The following BCAS3 variants were observed in gnomAD, a reference collection of about 807,000 sequenced individuals.
BCAS3 encodes BCAS4/BCAS3 fusion.
In BCAS3, 53 loss-of-function variants were observed where a neutral mutation model predicts 116.1. The observed-to-expected ratio is 0.46, with a 90% CI of 0.37 to 0.57. The LOEUF (loss-of-function observed/expected upper bound fraction) is 0.57. Ranked by LOEUF, BCAS3 falls within the 20% of genes least tolerant of loss-of-function variation. The pLI is 0.00. For missense variants in BCAS3, 917 were observed against 1,165.4 expected, an observed-to-expected ratio of 0.79 and a Z score of 3.10; for synonymous variants, 391 against 408.2, an observed-to-expected ratio of 0.96 and a Z score of 0.51.
chr17:60,778,494 A>G (rs1233785406), intron 6 of BCAS3, among the ~76,000 whole-genome samples: 2 of 152,244 alleles, frequency 1.3e-5, no homozygotes, highest in Non-Finnish European at 2.9e-5. Flanking sequence ...TAGAGATAAG[A>G]CTATTCCCTC....
At chr17:60,701,817 A>AAAAAGAAAAAAAAG (rs1555668133) in intron 4 of BCAS3, among the ~76,000 whole-genome samples, 1,493 of 149,194 alleles carry the variant, frequency 0.01, 21 homozygotes, top group African/African-American at 0.033. Context: ...AAAAAAAAAA[A>AAAAAGAAAAAAAAG]AAAAGAAAAA....
At chr17:60,686,952 AATG>A (rs1180181056) in intron 3 of BCAS3, among the ~76,000 whole-genome samples, 6 of 152,238 alleles carry the variant, frequency 3.9e-5, no homozygotes, top group African/African-American at 7.2e-5. Flanking sequence ...TTAATAAGCA[AATG>A]ATGATATATC....
At chr17:60,949,665 C>T (rs1054402885) in intron 14 of BCAS3, among the ~76,000 whole-genome samples, 5 of 152,248 alleles carry the variant, frequency 3.3e-5, no homozygotes, top group East Asian at 3.9e-4. Flanking sequence ...GTAATGATCT[C>T]GTCAGACTAA....
intron 22 of BCAS3, among the ~76,000 whole-genome samples, chr17:61,253,911 C>T (rs1168640613): frequency 6.6e-6 from 1 of 151,926 alleles, no homozygotes; most frequent in Non-Finnish European, 1.5e-5. Context: ...GTCTTGCTAG[C>T]CTTACTTGGT....
chr17:60,770,354 C>A (rs1434120498), intron 6 of BCAS3, among the ~76,000 whole-genome samples: 1 of 141,908 alleles, frequency 7.0e-6, no homozygotes, highest in Non-Finnish European at 1.5e-5. Flanking sequence ...TTACTTGTTA[C>A]TTGCTTTTAG....
rs552988841 is a variant in BCAS3 at position 60,891,452 on chromosome 17, G to A, written c.738+1681G>A. Among the ~76,000 whole-genome samples the A allele has an allele frequency of 6.6e-5, 10 of 152,332 alleles. No homozygotes were observed. In the East Asian group the frequency reaches 1.9e-3, roughly 29 times the overall value. On this transcript the variant is annotated intron_variant, in intron 10 of 23. Coordinates refer to ENST00000407086, the MANE Select transcript of BCAS3 (RefSeq NM_017679.5). ...AGTGGCCTTCACAAGGAGTTTGTGAGTCAAATGTCGTGCTTTCATCTCAAA... is the reference window on the plus strand; with the variant it reads ...AGTGGCCTTCACAAGGAGTTTGTGAATCAAATGTCGTGCTTTCATCTCAAA...
In BCAS3 at chr17:61,388,065, C is replaced by A. The variant is rs2059946337; in HGVS notation, c.2594-3912C>A. Among the ~76,000 whole-genome samples the A allele has an allele frequency of 2.6e-5, 4 of 152,156 alleles. No homozygotes were observed. The highest frequency in any genetic ancestry group is 7.2e-5 in the African/African-American group (3 of 41,416). On this transcript the variant is annotated intron_variant, in intron 23 of 23. Coordinates refer to ENST00000407086, the MANE Select transcript of BCAS3 (RefSeq NM_017679.5). The surrounding 1 kb of genome is among the most constrained non-coding windows in gnomAD (Gnocchi z 6.5). ...CTTCCCTCATTTCCTGCCACAGAGC[C>A]CCCAGCACTCTCTTTCGGGCCCTGG...
chr17:60,724,211 G>A (rs1489309545), intron 5 of BCAS3, among the ~76,000 whole-genome samples: 3 of 150,982 alleles, frequency 2.0e-5, no homozygotes, highest in Non-Finnish European at 1.5e-5. Context: ...GCCCCTTGAG[G>A]TCAGGAGTTC....
chr17:60,911,654 T>C (rs1400872968), intron 12 of BCAS3, among the ~76,000 whole-genome samples: 1 of 151,980 alleles, frequency 6.6e-6, no homozygotes, highest in East Asian at 1.9e-4. Context: ...TGGCTGGTCT[T>C]GAACCCCTGG....
chr17:61,221,209 T>C (rs1213528292), intron 22 of BCAS3, among the ~76,000 whole-genome samples: 3 of 152,244 alleles, frequency 2.0e-5, no homozygotes, highest in South Asian at 2.1e-4. Context: ...TTCAGGGACA[T>C]GGAAACAGTA....
intron 6 of BCAS3, among the ~76,000 whole-genome samples, chr17:60,776,754 G>A (rs1002296390): frequency 1.3e-5 from 2 of 148,964 alleles, no homozygotes; most frequent in Non-Finnish European, 3.0e-5. Context: ...GGTTGCTCAC[G>A]CATGTAATCC....
At chr17:60,985,776 G>T (rs998412119) in intron 14 of BCAS3, among the ~76,000 whole-genome samples, 1 of 151,934 alleles carries the variant, frequency 6.6e-6, no homozygotes, top group African/African-American at 2.4e-5. Flanking sequence ...TCGCTCTGTC[G>T]CCCAGCCTGG....
rs2070481994 is a variant in BCAS3, at chr17:61,065,197, T to G, written c.2030-9723T>G. ...ACGATTTAAATATGTTTGTTGGATA[T>G]TATAATTCCTCCTCTGTGAATTGCT... On this transcript the variant is annotated intron_variant, in intron 19 of 23. Coordinates refer to ENST00000407086, the MANE Select transcript of BCAS3 (RefSeq NM_017679.5). The surrounding 1 kb of genome is among the most constrained non-coding windows in gnomAD (Gnocchi z 4.8). Among the ~76,000 whole-genome samples the G allele has an allele frequency of 6.6e-6, 1 of 152,220 alleles. No individual in the cohort carries two copies. The highest frequency in any genetic ancestry group is 6.5e-5 in the Admixed American group (1 of 15,278).
At chr17:60,899,271 G>C (rs2145048076) in intron 10 of BCAS3, among the ~76,000 whole-genome samples, 1 of 152,132 alleles carries the variant, frequency 6.6e-6, no homozygotes, top group East Asian at 1.9e-4. Context: ...CCCAGTCCCG[G>C]TGGCAATGGC....
chr17:60,740,364 G>C (rs1174550628), intron 5 of BCAS3, among the ~76,000 whole-genome samples: 1 of 151,766 alleles, frequency 6.6e-6, no homozygotes, highest in East Asian at 1.9e-4. Flanking sequence ...TGGGCATGGT[G>C]GTGGGCACCT....
intron 15 of BCAS3, among the ~76,000 whole-genome samples, chr17:60,997,994 C>T (rs901246557): frequency 6.6e-6 from 1 of 152,184 alleles, no homozygotes; most frequent in Non-Finnish European, 1.5e-5. Flanking sequence ...ACCTCCCCAC[C>T]CTTTTCCTCC....
At chr17:60,711,327 C>T (rs1225555189) in intron 5 of BCAS3, among the ~76,000 whole-genome samples, 2 of 151,872 alleles carry the variant, frequency 1.3e-5, no homozygotes, top group African/African-American at 4.8e-5. Flanking sequence ...GGAGAAAGTA[C>T]TTAAAATTTG....
intron 20 of BCAS3, 31 bp downstream of exon 20, chr17:61,075,051 GTAAAA>G: frequency 6.5e-7 from 1 of 1,527,304 alleles, no homozygotes; most frequent in Non-Finnish European, 9.0e-7. Flanking sequence ...GAGTATTAAA[GTAAAA>G]TAAAACAGAA....
At chr17:60,934,745 C>T (rs1396151378) in intron 13 of BCAS3, among the ~76,000 whole-genome samples, 3 of 152,064 alleles carry the variant, frequency 2.0e-5, no homozygotes, top group African/African-American at 4.8e-5. Flanking sequence ...CTAAATATTT[C>T]CCAAAGATAT....
Sources: allele counts gnomAD v4.1 joint callset (sites outside exome capture counted in the v4.1 genomes callset), GRCh38; gene constraint gnomAD v4.1.1; non-coding constraint Gnocchi (gnomAD v3.1); transcripts MANE v1.5; gene names NCBI Gene and HGNC (gene_info 2026-07-23, HGNC 2026-07-21).